KCNQ5: variants seen among roughly 807,000 people sequenced by gnomAD.
KCNQ5 encodes potassium voltage-gated channel subfamily Q member 5.
In KCNQ5, 30 loss-of-function variants were observed where a neutral mutation model predicts 98.2. The ratio of observed to expected loss-of-function variants is 0.31; its 90% CI spans 0.23 to 0.41. KCNQ5 has a LOEUF of 0.41. Ranked by LOEUF, KCNQ5 falls within the 10% of genes least tolerant of loss-of-function variation. The pLI is 1.00. For missense variants in KCNQ5, 835 were observed against 1,182.5 expected, an observed-to-expected ratio of 0.71 and a Z score of 4.31; for synonymous variants, 458 against 449.4, an observed-to-expected ratio of 1.02 and a Z score of -0.24.
At chr6:73,050,793 T>C (rs944869314) in intron 3 of KCNQ5, among the ~76,000 whole-genome samples, 5 of 152,336 alleles carry the variant, frequency 3.3e-5, no homozygotes, top group Admixed American at 2.6e-4. Flanking sequence ...TGTTTCACTG[T>C]AATTTTGTCA....
At chr6:72,863,860 C>T (rs1210047349) in intron 1 of KCNQ5, among the ~76,000 whole-genome samples, 4 of 152,100 alleles carry the variant, frequency 2.6e-5, no homozygotes, top group Non-Finnish European at 5.9e-5. Context: ...TTATGTTACA[C>T]AAATAATTGT....
At chr6:73,139,378 A>G (rs1776614806) in intron 10 of KCNQ5, among the ~76,000 whole-genome samples, 1 of 152,200 alleles carries the variant, frequency 6.6e-6, no homozygotes, top group South Asian at 2.1e-4. Context: ...GTAGCTGGAT[A>G]AATTTAAGGA....
chr6:72,682,058 G>A (rs1021312337), intron 1 of KCNQ5, among the ~76,000 whole-genome samples: 3 of 152,136 alleles, frequency 2.0e-5, no homozygotes, highest in Non-Finnish European at 2.9e-5. Flanking sequence ...GGAGAAAAGA[G>A]CCTCAGTAGA....
chr6:72,633,141 T>C (rs556617969), intron 1 of KCNQ5, among the ~76,000 whole-genome samples: 3 of 152,328 alleles, frequency 2.0e-5, no homozygotes, highest in African/African-American at 7.2e-5. Flanking sequence ...TATGAGGTGG[T>C]ATCTCATTGT....
At chr6:72,729,448 T>C (rs1485360929) in intron 1 of KCNQ5, among the ~76,000 whole-genome samples, 1 of 152,240 alleles carries the variant, frequency 6.6e-6, no homozygotes, top group Non-Finnish European at 1.5e-5. Context: ...CCACCACACC[T>C]GGCTAATTTT....
At chr6:72,943,887 T>C (rs1377802475) in intron 1 of KCNQ5, among the ~76,000 whole-genome samples, 1 of 152,246 alleles carries the variant, frequency 6.6e-6, no homozygotes, top group Non-Finnish European at 1.5e-5. Flanking sequence ...TGCCTAGTAC[T>C]CTTCTAGGAT....
At chr6:73,009,792 G>A (rs146845694) in intron 2 of KCNQ5, among the ~76,000 whole-genome samples, 41 of 152,200 alleles carry the variant, frequency 2.7e-4, no homozygotes, top group African/African-American at 9.9e-4. Context: ...GGACAAATTC[G>A]TGAAAACACA....
At chr6:72,943,005 T>A (rs1399947286) in intron 1 of KCNQ5, among the ~76,000 whole-genome samples, 1 of 152,198 alleles carries the variant, frequency 6.6e-6, no homozygotes, top group Non-Finnish European at 1.5e-5. Context: ...AATAATCGAT[T>A]TTTTTATCCT....
chr6:72,752,371 C>A (rs1771728039), intron 1 of KCNQ5, among the ~76,000 whole-genome samples: 1 of 152,002 alleles, frequency 6.6e-6, no homozygotes, highest in African/African-American at 2.4e-5. Flanking sequence ...AAGCTAATAC[C>A]TGAAGGTAAG....
chr6:73,043,866 A>G (rs1174914409), intron 3 of KCNQ5, among the ~76,000 whole-genome samples: 1 of 152,212 alleles, frequency 6.6e-6, no homozygotes, highest in African/African-American at 2.4e-5. Flanking sequence ...AACACATCTT[A>G]GTCCTTTAGT....
intron 1 of KCNQ5, among the ~76,000 whole-genome samples, chr6:72,958,140 A>C (rs1767175281): frequency 6.6e-6 from 1 of 152,066 alleles, no homozygotes; most frequent in African/African-American, 2.4e-5. Context: ...CTCATGTTAC[A>C]TGGAAAGGGT....
At chr6:72,990,652 C>T (rs1354038871) in intron 1 of KCNQ5, among the ~76,000 whole-genome samples, 12 of 130,270 alleles carry the variant, frequency 9.2e-5, no homozygotes, top group Admixed American at 1.7e-4. Context: ...CCTTTATTTC[C>T]TTCTTCTGCC....
intron 1 of KCNQ5, among the ~76,000 whole-genome samples, chr6:72,916,686 A>G (rs1244404101): frequency 6.6e-6 from 1 of 152,196 alleles, no homozygotes; most frequent in Admixed American, 6.5e-5. Flanking sequence ...CTTCCCTTTC[A>G]TATCTCATTG....
chr6:73,064,553 T>A (rs1772965166), intron 3 of KCNQ5, among the ~76,000 whole-genome samples: 1 of 152,156 alleles, frequency 6.6e-6, no homozygotes, highest in African/African-American at 2.4e-5. Context: ...AGTCAAATAC[T>A]GGTATGGGGT....
intron 2 of KCNQ5, among the ~76,000 whole-genome samples, chr6:73,020,402 G>A (rs1349030907): frequency 1.3e-5 from 2 of 151,166 alleles, no homozygotes; most frequent in Non-Finnish European, 3.0e-5. Context: ...CAGATGAAGA[G>A]ATGCATAGGG....
chr6:73,127,852 C>G (rs1189842617), intron 9 of KCNQ5, among the ~76,000 whole-genome samples: 1 of 152,180 alleles, frequency 6.6e-6, no homozygotes. Flanking sequence ...CACCTGAGGT[C>G]AGGAGTTCGA....
chr6:73,036,460 G>A (rs1273704724), intron 2 of KCNQ5, among the ~76,000 whole-genome samples: 2 of 148,576 alleles, frequency 1.3e-5, no homozygotes, highest in African/African-American at 5.0e-5. Context: ...GTTACCCCTT[G>A]CTAACCACAT....
At chr6:72,826,466 T>G (rs73543821) in intron 1 of KCNQ5, among the ~76,000 whole-genome samples, 41,899 of 151,478 alleles carry the variant, frequency 0.28, 6,857 homozygotes, top group African/African-American at 0.46. Flanking sequence ...TTGAAAAATG[T>G]CTTTTATTTC....
chr6:72,880,441 C>T (rs547716103), intron 1 of KCNQ5, among the ~76,000 whole-genome samples: 22 of 152,228 alleles, frequency 1.4e-4, no homozygotes, highest in African/African-American at 5.1e-4. Context: ...ATAATTACCT[C>T]CTAAAGGCCC....
Sources: gnomAD v4.1 joint callset for allele counts (sites outside exome capture counted in the v4.1 genomes callset) on GRCh38, gnomAD v4.1.1 for gene constraint, MANE v1.5 for transcripts, NCBI Gene and HGNC (gene_info 2026-07-23, HGNC 2026-07-21) for gene names.